Variants in ADGRL4 observed in about 807,000 individuals in gnomAD.
ADGRL4 encodes adhesion G protein-coupled receptor L4, also known as EGF, latrophilin and seven transmembrane domain containing 1.
In ADGRL4, 90 loss-of-function variants were observed where a neutral mutation model predicts 74.8. That is an observed-to-expected ratio of 1.20 (90% CI 1.02 to 1.43). ADGRL4 has a LOEUF of 1.43. ADGRL4 is among the 40% of genes most tolerant of loss of function. ADGRL4 has a pLI of 0.00. For missense variants in ADGRL4, 881 were observed against 814.3 expected, an observed-to-expected ratio of 1.08 and a Z score of -1.00; for synonymous variants, 311 against 279.2, an observed-to-expected ratio of 1.11 and a Z score of -1.14.
At chr1:78,997,145 A>C (rs1650733635) in intron 2 of ADGRL4, among the ~76,000 whole-genome samples, 1 of 150,620 alleles carries the variant, frequency 6.6e-6, no homozygotes, top group South Asian at 2.1e-4. Flanking sequence ...GGAGGAATAT[A>C]AAAAAAGGTC....
chr1:78,936,333 T>C lies in ADGRL4; in HGVS notation c.839A>G (p.Asn280Ser), dbSNP rs879903605. ...TGCAGCTTTTCTCTTTGGAAATATA[T>C]TTATGTAGTCTCCATCCATATTCAT... ...PHMNMDGDYINIFPKRKAAYD... is the reference protein window; with the variant it reads ...PHMNMDGDYISIFPKRKAAYD... Residue 280 changes from asparagine to serine, a missense_variant, in exon 7 of 15, where the codon AAT (asparagine) becomes AGT (serine). Coordinates refer to ENST00000370742, the MANE Select transcript of ADGRL4 (RefSeq NM_022159.4). The C allele has an allele frequency of 1.6e-5, 25 of 1,595,428 alleles. No homozygotes were observed. Among genetic ancestry groups the C allele is most frequent in the Non-Finnish European group, 2.1e-5 (25 of 1,172,938 alleles).
intron 2 of ADGRL4, among the ~76,000 whole-genome samples, chr1:78,989,693 T>C (rs570621621): frequency 5.9e-5 from 9 of 152,014 alleles, no homozygotes; most frequent in Non-Finnish European, 7.4e-5. Flanking sequence ...TCAGGTGTCC[T>C]GAATGGTTTG....
intron 7 of ADGRL4, among the ~76,000 whole-genome samples, chr1:78,934,313 T>C (rs1293637621): frequency 1.3e-5 from 2 of 152,158 alleles, no homozygotes; most frequent in Non-Finnish European, 2.9e-5. Context: ...AAGGATCTCT[T>C]ATTCAATAAA....
At chr1:78,973,207 G>A (rs147904227) in intron 2 of ADGRL4, among the ~76,000 whole-genome samples, 10 of 151,908 alleles carry the variant, frequency 6.6e-5, no homozygotes, top group African/African-American at 2.4e-4. Flanking sequence ...TCAAATTTGT[G>A]TGTTTTTTTA....
At chr1:78,998,819 G>A (rs1650775140) in intron 2 of ADGRL4, among the ~76,000 whole-genome samples, 2 of 152,110 alleles carry the variant, frequency 1.3e-5, no homozygotes, top group African/African-American at 2.4e-5. Context: ...AGTAGTTTGA[G>A]GGTTATATGA....
intron 8 of ADGRL4, 44 bp downstream of exon 8, chr1:78,926,842 C>A: frequency 7.2e-7 from 1 of 1,384,584 alleles, no homozygotes; most frequent in South Asian, 1.2e-5. Context: ...AGTTCTCTGA[C>A]TGTATCACAA....
intron 12 of ADGRL4, among the ~76,000 whole-genome samples, chr1:78,907,725 T>G (rs1648675187): frequency 6.6e-6 from 1 of 151,748 alleles, no homozygotes; most frequent in Non-Finnish European, 1.5e-5. Flanking sequence ...AGGGAATGTT[T>G]TAGGGCAGAG....
At chr1:78,918,107 AACAT>A in intron 10 of ADGRL4, 57 bp from the exon 11 acceptor site, 11 of 1,400,476 alleles carry the variant, frequency 7.9e-6, no homozygotes, top group Non-Finnish European at 1.1e-5. Context: ...AAATTATCAT[AACAT>A]ACAATCTCTA....
chr1:78,938,496 A>C (rs2100688815), intron 4 of ADGRL4, among the ~76,000 whole-genome samples: 1 of 150,592 alleles, frequency 6.6e-6, no homozygotes, highest in South Asian at 2.1e-4. Context: ...ACTTGACTTT[A>C]GAAAAGAAAT....
chr1:78,939,226 C>T lies in ADGRL4; in HGVS notation c.358G>A (p.Val120Ile). Residue 120 changes from valine (V) to isoleucine (I), a missense_variant, in exon 4 of 15, where the codon GTC becomes ATC. Physicochemically the swap from Val to Ile is conservative, Grantham distance 29 (BLOSUM62 3). Transcript: ENST00000370742. ...TTATTAATATTTGCAGCTATACAGA[C>T]ATTATCTAAATGGCAGTTTGCATTC... is the stretch of plus-strand genomic sequence containing the variant. ...NVNANCHLDN[V>I]CIAANINKTL... is the part of the protein sequence containing the mutation. 1 of 1,567,458 alleles carries T rather than the reference C, an allele frequency of 6.4e-7. No homozygotes were observed. Among genetic ancestry groups the T allele is most frequent in the Non-Finnish European group, 8.6e-7 (1 of 1,159,198 alleles).
At chr1:78,990,190 T>C (rs1265883747) in intron 2 of ADGRL4, among the ~76,000 whole-genome samples, 1 of 151,990 alleles carries the variant, frequency 6.6e-6, no homozygotes, top group African/African-American at 2.4e-5. Flanking sequence ...GTTTATTATC[T>C]GTACTCGATA....
Position 78,937,795 on chromosome 1 carries a change from C to A in ADGRL4, c.760+12G>T, listed in dbSNP as rs781657695. 1 of 1,594,724 alleles carries A rather than the reference C, an allele frequency of 6.3e-7. No homozygotes were observed. The highest frequency in any genetic ancestry group is 1.4e-5 in the African/African-American group (1 of 73,606). On this transcript the variant is annotated intron_variant, in intron 6 of 14. Coordinates refer to ENST00000370742, the MANE Select transcript of ADGRL4 (RefSeq NM_022159.4). Reference sequence around the variant, plus strand: ...AAACACAATTACTTTTAAATGGACCCTTGTTTCTTACCTATATCCGTTGAA... The same window carrying A: ...AAACACAATTACTTTTAAATGGACCATTGTTTCTTACCTATATCCGTTGAA...
chr1:78,898,750 A>G (rs886814827), intron 12 of ADGRL4, among the ~76,000 whole-genome samples: 1 of 152,166 alleles, frequency 6.6e-6, no homozygotes, highest in African/African-American at 2.4e-5. Context: ...GTTTCATCTT[A>G]AGTGATATTT....
At position 78,921,741 on chromosome 1, in the gene ADGRL4, G is replaced by A. The variant is rs1339232142; in HGVS notation, c.1129C>T (p.Pro377Ser). Residue 377 changes from proline to serine, a missense_variant, in exon 9 of 15, where the codon CCT becomes TCT. Physicochemically the swap from Pro to Ser is moderately conservative, Grantham distance 74 (BLOSUM62 -1). Coordinates refer to ENST00000370742, the MANE Select transcript of ADGRL4 (RefSeq NM_022159.4). ...GACCAGCTGCCATTCATGGTATCAG[G>A]TGAGTAATTCCAAAATGCACATAGA... is the stretch of plus-strand genomic sequence containing the variant. ...RSLCAFWNYS[P>S]DTMNGSWSSE... is the part of the protein sequence containing the mutation. 1.9e-6 allele frequency: 3 copies of A among 1,599,052 alleles called. No individual in the cohort carries two copies. Among genetic ancestry groups the A allele is most frequent in the South Asian group, 1.1e-5 (1 of 89,214 alleles).
intron 2 of ADGRL4, among the ~76,000 whole-genome samples, chr1:79,002,629 G>A (rs188136976): frequency 1.6e-3 from 240 of 152,056 alleles, no homozygotes; most frequent in African/African-American, 5.2e-3. Context: ...AATTAGGAAG[G>A]GTCAACCAAC....
intron 12 of ADGRL4, among the ~76,000 whole-genome samples, chr1:78,901,761 G>A (rs1455583079): frequency 6.6e-6 from 1 of 152,104 alleles, no homozygotes; most frequent in African/African-American, 2.4e-5. Context: ...CCCACATATA[G>A]CTACATGACA....
Position 78,892,990 on chromosome 1 carries a change from A to G in ADGRL4, c.1841+108T>C, listed in dbSNP as rs145724986. Reference sequence around the variant, plus strand: ...ATGCGTCTTTTAAATATGGTAAAGTATGAAACAATCATTTAAAAATAATTC... The same window carrying G: ...ATGCGTCTTTTAAATATGGTAAAGTGTGAAACAATCATTTAAAAATAATTC... On this transcript the variant is annotated intron_variant, in intron 13 of 14. Transcript: ENST00000370742. The G allele has an allele frequency of 3.7e-4, 250 of 675,412 alleles. No homozygotes were observed. The African/African-American group carries it at 4.4e-3, about 12-fold the overall frequency. The allele number at this position is 675,412 out of a possible 1,614,324, so 41.8% of individuals were successfully genotyped here.
At chr1:78,978,279 AT>A (rs1332259024) in intron 2 of ADGRL4, among the ~76,000 whole-genome samples, 1 of 151,760 alleles carries the variant, frequency 6.6e-6, no homozygotes, top group Non-Finnish European at 1.5e-5. Flanking sequence ...CTCTCGGGAA[AT>A]TTTCTTGCCT....
intron 9 of ADGRL4, among the ~76,000 whole-genome samples, chr1:78,921,072 G>T (rs1648989141): frequency 6.6e-6 from 1 of 151,672 alleles, no homozygotes; most frequent in African/African-American, 2.4e-5. Context: ...AAGAAATTAT[G>T]TGATAAATAT....
Sources: allele counts gnomAD v4.1 joint callset (sites outside exome capture counted in the v4.1 genomes callset), GRCh38; gene constraint gnomAD v4.1.1; transcripts MANE v1.5; gene names NCBI Gene and HGNC (gene_info 2026-07-23, HGNC 2026-07-21).